Variants in SHANK2 observed in about 807,000 individuals in gnomAD.
SHANK2 encodes the protein SH3 and multiple ankyrin repeat domains protein 2.
SHANK2 carries 43 observed loss-of-function variants against 133.7 expected under a neutral mutation model. The ratio of observed to expected loss-of-function variants is 0.32; its 90% CI spans 0.25 to 0.41. SHANK2 has a LOEUF of 0.41. SHANK2 is among the 10% of genes least tolerant of loss of function. The pLI, the probability that SHANK2 is intolerant of heterozygous loss-of-function variation, is 1.00. For synonymous variants in SHANK2, 1,017 were observed against 952.8 expected (o/e 1.07, Z -1.24); for missense variants, 1,994 against 2,235.8 (o/e 0.89, Z 2.18).
At chr11:70,766,841 G>A (rs1258288483) in intron 14 of SHANK2, among the ~76,000 whole-genome samples, 4 of 152,238 alleles carry the variant, frequency 2.6e-5, no homozygotes, top group Non-Finnish European at 5.9e-5. Flanking sequence ...TAGGCTGCTG[G>A]AAGAGCTCTT....
intron 17 of SHANK2, among the ~76,000 whole-genome samples, chr11:70,618,640 A>G (rs1216175654): frequency 2.0e-5 from 3 of 152,226 alleles, no homozygotes; most frequent in African/African-American, 7.2e-5. Context: ...GCTTGTGAAT[A>G]CGGTAATCCA....
At chr11:70,662,064 A>G (rs1488107107) in intron 15 of SHANK2, 3 of 492,328 alleles carry the variant, frequency 6.1e-6, no homozygotes, top group Non-Finnish European at 1.1e-5. Flanking sequence ...CGGCGGCCTC[A>G]GCAGCGGCGG....
intron 1 of SHANK2, among the ~76,000 whole-genome samples, chr11:71,243,635 C>T (rs549066067): frequency 6.6e-6 from 1 of 152,262 alleles, no homozygotes; most frequent in African/African-American, 2.4e-5. Context: ...GCGGAGCTTG[C>T]AGTGAGCTGA....
chr11:70,722,919 AT>A (rs1946100138), intron 14 of SHANK2, among the ~76,000 whole-genome samples: 1 of 152,272 alleles, frequency 6.6e-6, no homozygotes, highest in Non-Finnish European at 1.5e-5. Flanking sequence ...AAATAACCAA[AT>A]GCTTTCAAAA....
At chr11:70,502,056 G>T (rs1222260687) in intron 19 of SHANK2, 125 bp from the exon 20 acceptor site, 15 of 1,323,334 alleles carry the variant, frequency 1.1e-5, no homozygotes, top group Non-Finnish European at 1.5e-5. Context: ...TGCGGGGCAT[G>T]CAGGGGCATT....
chr11:71,093,052 G>GGC (rs1491233795), intron 7 of SHANK2, among the ~76,000 whole-genome samples: 8 of 7,796 alleles, frequency 1.0e-3, no homozygotes, highest in Admixed American at 4.9e-3. Flanking sequence ...CAAAAATAAA[G>GGC]GGGGGGGGGG....
At chr11:70,615,539 G>A (rs2060727421) in intron 17 of SHANK2, among the ~76,000 whole-genome samples, 1 of 152,178 alleles carries the variant, frequency 6.6e-6, no homozygotes, top group African/African-American at 2.4e-5. Flanking sequence ...CTTAGTGGCG[G>A]CGCAAGGGAG....
At chr11:70,877,866 A>G (rs1949593840) in intron 11 of SHANK2, among the ~76,000 whole-genome samples, 1 of 152,254 alleles carries the variant, frequency 6.6e-6, no homozygotes, top group Non-Finnish European at 1.5e-5. Context: ...TGCACCAGGA[A>G]AGAACAGGTC....
At position 70,746,221 on chromosome 11, in the gene SHANK2, T is replaced by C. The variant is rs563285935; in HGVS notation, c.1778-47458A>G. ...TGGGTAGCGTGCCCAGCCACACTTG[T>C]AGCACAGAAGCAGCCTCTCCCACCA... On this transcript the variant is annotated intron_variant, in intron 14 of 25. Transcript: ENST00000601538. Among the ~76,000 whole-genome samples, 19 of 152,262 alleles carry C rather than the reference T, an allele frequency of 1.2e-4. No individual in the cohort carries two copies. In the East Asian group the frequency reaches 3.7e-3, roughly 29 times the overall value.
chr11:70,779,983 A>G (rs184999162), intron 14 of SHANK2, among the ~76,000 whole-genome samples: 1 of 151,852 alleles, frequency 6.6e-6, no homozygotes. Flanking sequence ...GCACAGAGCC[A>G]TTTTCTTTCT....
At chr11:71,069,199 C>T (rs1951109506) in intron 9 of SHANK2, among the ~76,000 whole-genome samples, 2 of 151,828 alleles carry the variant, frequency 1.3e-5, no homozygotes, top group South Asian at 4.2e-4. Context: ...TATCAACCAC[C>T]ATCATCACCA....
chr11:70,684,455 G>C (rs1278566630), intron 15 of SHANK2, among the ~76,000 whole-genome samples: 1 of 152,146 alleles, frequency 6.6e-6, no homozygotes, highest in Admixed American at 6.5e-5. Flanking sequence ...AGCTACTTGG[G>C]AGGCTGAGGT....
At chr11:71,250,511 G>A (rs1555125668) in intron 1 of SHANK2, among the ~76,000 whole-genome samples, 1 of 152,140 alleles carries the variant, frequency 6.6e-6, no homozygotes. Context: ...CAGACACGAC[G>A]GCTTTCCCTC....
chr11:70,920,663 G>T (rs978586567), intron 10 of SHANK2, among the ~76,000 whole-genome samples: 1 of 152,204 alleles, frequency 6.6e-6, no homozygotes, highest in East Asian at 1.9e-4. Context: ...CCCTAACGGG[G>T]TCTACTCCAG....
At chr11:70,511,753 C>A (rs1554969331) in intron 17 of SHANK2, among the ~76,000 whole-genome samples, 1 of 152,260 alleles carries the variant, frequency 6.6e-6, no homozygotes, top group Non-Finnish European at 1.5e-5. Context: ...ATCACAGCCA[C>A]ATCCAGGTAG....
chr11:71,227,812 C>A (rs1954666928), intron 1 of SHANK2, among the ~76,000 whole-genome samples: 1 of 151,850 alleles, frequency 6.6e-6, no homozygotes, highest in African/African-American at 2.4e-5. Flanking sequence ...AAAAGAAGAA[C>A]AATCTCAAAT....
At chr11:71,242,330 A>G (rs1954903991) in intron 1 of SHANK2, among the ~76,000 whole-genome samples, 1 of 152,138 alleles carries the variant, frequency 6.6e-6, no homozygotes, top group African/African-American at 2.4e-5. Flanking sequence ...GAGCACGATG[A>G]GCATCCTTAA....
At chr11:70,647,169 A>G (rs782201536) in intron 17 of SHANK2, among the ~76,000 whole-genome samples, 63 of 152,254 alleles carry the variant, frequency 4.1e-4, no homozygotes, top group Admixed American at 9.8e-4. Context: ...CCCAGCCAAA[A>G]GAAATCTAAC....
chr11:70,747,863 GTGCATACA>G (rs1450457641), intron 14 of SHANK2, among the ~76,000 whole-genome samples: 1 of 152,202 alleles, frequency 6.6e-6, no homozygotes. Flanking sequence ...GTGTTTGTGT[GTGCATACA>G]TGCACACATG....
Sources: allele counts gnomAD v4.1 joint callset (sites outside exome capture counted in the v4.1 genomes callset), GRCh38; gene constraint gnomAD v4.1.1; transcripts MANE v1.5; gene names NCBI Gene and HGNC (gene_info 2026-07-23, HGNC 2026-07-21).